ADD2: variants seen among roughly 807,000 people sequenced by gnomAD.
ADD2 encodes adducin 2, also known as beta-adducin.
ADD2 carries 23 observed loss-of-function variants against 83.0 expected under a neutral mutation model. The ratio of observed to expected loss-of-function variants is 0.28; its 90% CI spans 0.20 to 0.39. ADD2 has a LOEUF of 0.39. Ranked by LOEUF, ADD2 falls within the 10% of genes least tolerant of loss-of-function variation. The pLI is 1.00. For synonymous variants in ADD2, 375 were observed against 375.4 expected, an observed-to-expected ratio of 1.00 and a Z score of 0.01; for missense variants, 758 against 944.9, an observed-to-expected ratio of 0.80 and a Z score of 2.59.
At chr2:70,749,240 G>A (rs200757337) in intron 1 of ADD2, among the ~76,000 whole-genome samples, 1 of 151,950 alleles carries the variant, frequency 6.6e-6, no homozygotes, top group East Asian at 1.9e-4. Flanking sequence ...AACAGCATGG[G>A]GGAAACCACC....
At chr2:70,723,104 A>G (rs1230977306) in intron 1 of ADD2, among the ~76,000 whole-genome samples, 1 of 152,246 alleles carries the variant, frequency 6.6e-6, no homozygotes, top group Admixed American at 6.5e-5. Flanking sequence ...TCCACCATAC[A>G]GGACCATGGC....
chr2:70,747,443 CTCCCATCATGCCATGTGCTT>C (rs1413483957), intron 1 of ADD2, among the ~76,000 whole-genome samples: 21 of 148,932 alleles, frequency 1.4e-4, no homozygotes, highest in African/African-American at 2.2e-4. Context: ...GCCATGTGCT[CTCCCATCATGCCATGTGCTT>C]TCCCATCATG....
rs781995631 is a variant in ADD2, at chr2:70,676,841, C to T, written c.1548G>A (p.Gln516=). The part of the protein sequence containing the change: ...NRQDVKSAGP[Q]SQLLASVIAE... Reference sequence around the variant, plus strand: ...CAATGACGCTCGCCAGGAGCTGGGACTGAGGCCCCGCTGACTTCACATCTT... The same window carrying T: ...CAATGACGCTCGCCAGGAGCTGGGATTGAGGCCCCGCTGACTTCACATCTT... The change falls in exon 13 of 16, where the codon CAG becomes CAA. Residue 516 remains glutamine (Q), a synonymous_variant. Transcript: ENST00000264436. The surrounding 1 kb of genome is among the most constrained non-coding windows in gnomAD (Gnocchi z 4.8). 6 of 1,614,178 alleles carry T rather than the reference C, an allele frequency of 3.7e-6. No individual in the cohort carries two copies. Among genetic ancestry groups the T allele is most frequent in the South Asian group, 3.3e-5 (3 of 91,074 alleles).
intron 1 of ADD2, among the ~76,000 whole-genome samples, chr2:70,732,405 A>G (rs1413283808): frequency 6.6e-6 from 1 of 152,230 alleles, no homozygotes; most frequent in Non-Finnish European, 1.5e-5. Context: ...TGATATCTGG[A>G]TCAATTGAGA....
intron 1 of ADD2, among the ~76,000 whole-genome samples, chr2:70,719,401 T>C (rs1553376954): frequency 6.6e-6 from 1 of 152,146 alleles, no homozygotes; most frequent in Non-Finnish European, 1.5e-5. Context: ...TGGGGTACAG[T>C]GCTCTGGTAT....
In ADD2 at chr2:70,736,128, T is replaced by TG. The variant is rs202185835; in HGVS notation, c.-153-22945dup. ...ATCCAGAGTCTCTAACTGCCGGGGGTGGGGGGCAGAAAGGCTGAGAACAAT... is the reference window on the plus strand; with the variant it reads ...ATCCAGAGTCTCTAACTGCCGGGGGTGGGGGGGCAGAAAGGCTGAGAACAAT... On this transcript the variant is annotated intron_variant, in intron 1 of 15. Coordinates refer to ENST00000264436, the MANE Select transcript of ADD2 (RefSeq NM_001617.4). Among the ~76,000 whole-genome samples, 68 of 150,732 alleles carry TG rather than the reference T, an allele frequency of 4.5e-4. No homozygotes were observed. In the East Asian group the frequency reaches 0.012, roughly 27 times the overall value.
intron 1 of ADD2, among the ~76,000 whole-genome samples, chr2:70,748,442 G>A (rs979086135): frequency 7.9e-5 from 12 of 152,056 alleles, no homozygotes; most frequent in African/African-American, 2.9e-4. Context: ...GACCACTTAA[G>A]GTAAAACAAG....
chr2:70,691,015 CAGTGAGGGGTGAGG>C (rs1553371530), intron 7 of ADD2, 86 bp from the exon 8 acceptor site: 1 of 1,468,972 alleles, frequency 6.8e-7, no homozygotes, highest in African/African-American at 1.4e-5. Flanking sequence ...CTCTGGGGGC[CAGTGAGGGGTGAGG>C]GGTGAGGAGT....
At chr2:70,703,993 T>C (rs1553373879) in intron 4 of ADD2, among the ~76,000 whole-genome samples, 2 of 152,278 alleles carry the variant, frequency 1.3e-5, no homozygotes, top group Admixed American at 1.3e-4. Flanking sequence ...CTGGCTCCTC[T>C]CAGCCCTCAT....
At chr2:70,673,408 C>T in intron 14 of ADD2, 2 of 1,179,352 alleles carry the variant, frequency 1.7e-6, no homozygotes, top group Admixed American at 1.9e-5. Context: ...ACCACCAACT[C>T]CCCTTATTTT....
intron 2 of ADD2, among the ~76,000 whole-genome samples, chr2:70,707,219 C>G (rs1671951154): frequency 6.6e-6 from 1 of 152,168 alleles, no homozygotes; most frequent in African/African-American, 2.4e-5. Flanking sequence ...GATTCTTATT[C>G]CAAGTTTAAA....
chr2:70,659,139 T>C lies in ADD2; in HGVS notation c.*4286A>G, dbSNP rs1485510100. 3.2e-5 allele frequency: 2 copies of C among 62,956 alleles called. No homozygotes were observed. The highest frequency in any genetic ancestry group is 6.1e-4 in the South Asian group (1 of 1,634). The allele number at this position is 62,956 out of a possible 1,614,324, so 3.9% of individuals were successfully genotyped here. ...CAGCCTGGGCAACAAAGAGCAAAGC[T>C]CCGTCTAAAAAAAAAAAAAAAAAAA... On this transcript the variant is annotated 3_prime_UTR_variant, in exon 16 of 16. Coordinates refer to ENST00000264436, the MANE Select transcript of ADD2 (RefSeq NM_001617.4).
intron 4 of ADD2, 58 bp downstream of exon 4, chr2:70,704,263 T>TGCGCCC: frequency 1.1e-6 from 1 of 913,238 alleles, no homozygotes; most frequent in Non-Finnish European, 1.7e-6. Flanking sequence ...CTCCCTCTCT[T>TGCGCCC]CCCCACCCCA....
At chr2:70,704,287 C>CCCT in intron 4 of ADD2, 34 bp downstream of exon 4, 1 of 1,588,510 alleles carries the variant, frequency 6.3e-7, no homozygotes, top group Non-Finnish European at 8.6e-7. Context: ...TCCCCTCCAC[C>CCCT]TCTGCTCCTG....
In ADD2 at chr2:70,658,943, G is replaced by C. The variant is rs1416563637; in HGVS notation, c.*4482C>G. 1.3e-5 allele frequency: 2 copies of C among 152,028 alleles called. No homozygotes were observed. Among genetic ancestry groups the C allele is most frequent in the African/African-American group, 4.8e-5 (2 of 41,400 alleles). 9.4% of individuals were successfully genotyped at this position (152,028 alleles called of 1,614,324 possible). On this transcript the variant is annotated 3_prime_UTR_variant, in exon 16 of 16. Coordinates refer to ENST00000264436, the MANE Select transcript of ADD2 (RefSeq NM_001617.4). ...GTGGATCACGAGGTCAGGAGTTCAAGACCAGCCTGGCCAACATGGTGAAAC... is the reference window on the plus strand; with the variant it reads ...GTGGATCACGAGGTCAGGAGTTCAACACCAGCCTGGCCAACATGGTGAAAC...
In ADD2 at chr2:70,768,171, A is replaced by C; in HGVS notation, c.-439T>G. ...CAGCCCTGCCGTCAGAATTAAAGCC[A>C]TTTCCCGCACGAGGCTGGGAGGAAA... On this transcript the variant is annotated 5_prime_UTR_variant, in exon 1 of 16. It removes an upstream start codon present in the reference 5' UTR. Transcript: ENST00000264436. The C allele has an allele frequency of 3.4e-6, 2 of 589,734 alleles. No homozygotes were observed. The highest frequency in any genetic ancestry group is 2.1e-5 in the South Asian group (1 of 47,808). 36.5% of individuals were successfully genotyped at this position (589,734 alleles called of 1,614,324 possible). A position where few individuals can be genotyped will look rare whatever the true frequency, so the allele number is the denominator to read the frequency against.
intron 1 of ADD2, among the ~76,000 whole-genome samples, chr2:70,757,759 T>C (rs1196638269): frequency 2.6e-5 from 4 of 152,176 alleles, no homozygotes; most frequent in Non-Finnish European, 5.9e-5. Flanking sequence ...GGAGACTCCA[T>C]GCCGAGTAAA....
At chr2:70,666,432 C>T (rs146156888) in intron 15 of ADD2, among the ~76,000 whole-genome samples, 178 of 152,342 alleles carry the variant, frequency 1.2e-3, no homozygotes, top group African/African-American at 4.1e-3. Context: ...TCTTCCCTCT[C>T]ATCTTCCTGG....
intron 2 of ADD2, among the ~76,000 whole-genome samples, chr2:70,712,595 C>T (rs572295298): frequency 6.6e-6 from 1 of 152,302 alleles, no homozygotes; most frequent in African/African-American, 2.4e-5. Flanking sequence ...CTCCATCATT[C>T]TGTCCCAGAA....
Sources: gnomAD v4.1 joint callset for allele counts (sites outside exome capture counted in the v4.1 genomes callset) on GRCh38, gnomAD v4.1.1 for gene constraint, Gnocchi (gnomAD v3.1) non-coding constraint, MANE v1.5 for transcripts, NCBI Gene and HGNC (gene_info 2026-07-23, HGNC 2026-07-21) for gene names.